BORCS5: variants seen among roughly 807,000 people sequenced by gnomAD.
The protein encoded by BORCS5 is BLOC-1 related complex subunit 5, also known as BLOC-1-related complex subunit 5.
In BORCS5, 17 loss-of-function variants were observed where a neutral mutation model predicts 22.1. The ratio of observed to expected loss-of-function variants is 0.77; its 90% CI spans 0.53 to 1.15. The LOEUF (loss-of-function observed/expected upper bound fraction) is 1.15, where lower values mean the gene tolerates loss of function less well. BORCS5 is among the 50% of genes most tolerant of loss of function. The pLI is 0.00. For missense variants in BORCS5, 247 were observed against 253.2 expected (o/e 0.98, Z 0.17); for synonymous variants, 117 against 99.8 (o/e 1.17, Z -1.03).
At position 12,402,528 on chromosome 12, in the gene BORCS5, A is replaced by C. The variant is rs73283452; in HGVS notation, c.203-33100A>C. Among the ~76,000 whole-genome samples, 555 of 152,346 alleles carry C rather than the reference A, an allele frequency of 3.6e-3. 5 individuals carry two copies. Among genetic ancestry groups the C allele is most frequent in the African/African-American group, 0.013 (531 of 41,588 alleles). On this transcript the variant is annotated intron_variant, in intron 2 of 3. Coordinates refer to ENST00000314565, the MANE Select transcript of BORCS5 (RefSeq NM_058169.6). Reference sequence around the variant, plus strand: ...TTTTATCCAATATTCTGCTTCCTGCAGAGTTCCTGAATTGAGGGTCTTTTG... The same window carrying C: ...TTTTATCCAATATTCTGCTTCCTGCCGAGTTCCTGAATTGAGGGTCTTTTG...
chr12:12,469,505 T>C lies in BORCS5; in HGVS notation c.*3729T>C, dbSNP rs1372409558. 1 of 152,234 alleles carries C rather than the reference T, an allele frequency of 6.6e-6. No individual in the cohort carries two copies. Among genetic ancestry groups the C allele is most frequent in the African/African-American group, 2.4e-5 (1 of 41,454 alleles). 9.4% of individuals were successfully genotyped at this position (152,234 alleles called of 1,614,324 possible). A position where few individuals can be genotyped will look rare whatever the true frequency, so the allele number is the denominator to read the frequency against. Reference sequence around the variant, plus strand: ...GAGGTTGGTACTGTTACCCTTACGTTATAGGTATTACAAACTCGGTTTTAC... The same window carrying C: ...GAGGTTGGTACTGTTACCCTTACGTCATAGGTATTACAAACTCGGTTTTAC... On this transcript the variant is annotated 3_prime_UTR_variant, in exon 4 of 4. Transcript: ENST00000314565.
chr12:12,387,502 C>T (rs749080430), intron 2 of BORCS5, among the ~76,000 whole-genome samples: 1 of 151,426 alleles, frequency 6.6e-6, no homozygotes, highest in Non-Finnish European at 1.5e-5. Flanking sequence ...AACACGTGCT[C>T]ATGATTTTAT....
At chr12:12,368,297 T>C (rs1209191981) in intron 2 of BORCS5, among the ~76,000 whole-genome samples, 1 of 151,558 alleles carries the variant, frequency 6.6e-6, no homozygotes, top group Non-Finnish European at 1.5e-5. Context: ...TTTTTTTTAA[T>C]CTACTGGTTA....
chr12:12,379,157 T>C (rs1863721930), intron 2 of BORCS5, among the ~76,000 whole-genome samples: 1 of 150,534 alleles, frequency 6.6e-6, no homozygotes, highest in Admixed American at 6.6e-5. Context: ...TCTTGCTTTG[T>C]TGCCCAGGCT....
chr12:12,433,296 C>G lies in BORCS5; in HGVS notation c.203-2332C>G, dbSNP rs139156984. On this transcript the variant is annotated intron_variant, in intron 2 of 3. Transcript: ENST00000314565. ...GGAGATCATTCCACTGTGCTCCAGC[C>G]TGGAAGACAGAGCGAGACTGTGTCT... 1.4e-4 allele frequency among the ~76,000 whole-genome samples: 19 copies of G among 134,068 alleles called. No individual in the cohort carries two copies. The East Asian group carries it at 1.6e-3, about 11-fold the overall frequency. 88.0% of individuals were successfully genotyped at this position (134,068 alleles called of 152,430 possible). A position where few individuals can be genotyped will look rare whatever the true frequency, so the allele number is the denominator to read the frequency against.
chr12:12,371,092 CTT>C (rs916147250), intron 2 of BORCS5, among the ~76,000 whole-genome samples: 3 of 152,046 alleles, frequency 2.0e-5, no homozygotes, highest in African/African-American at 7.2e-5. Flanking sequence ...TTGAAAATGT[CTT>C]TATTTTCTGG....
intron 2 of BORCS5, among the ~76,000 whole-genome samples, chr12:12,410,328 T>G (rs1283646323): frequency 6.6e-6 from 1 of 152,230 alleles, no homozygotes; most frequent in East Asian, 1.9e-4. Context: ...TGGTATTGCC[T>G]AGGTTTTCTT....
intron 2 of BORCS5, among the ~76,000 whole-genome samples, chr12:12,419,435 A>C (rs570553484): frequency 2.0e-5 from 3 of 152,284 alleles, no homozygotes; most frequent in African/African-American, 7.2e-5. Flanking sequence ...TTCTTAATCC[A>C]GTCTATCATT....
At chr12:12,391,075 A>G (rs1457950564) in intron 2 of BORCS5, among the ~76,000 whole-genome samples, 2 of 151,930 alleles carry the variant, frequency 1.3e-5, no homozygotes, top group Admixed American at 6.6e-5. Context: ...GTTCTCTTTT[A>G]AAGTATTGAT....
At chr12:12,419,012 A>G (rs780647600) in intron 2 of BORCS5, among the ~76,000 whole-genome samples, 2 of 151,664 alleles carry the variant, frequency 1.3e-5, no homozygotes. Flanking sequence ...TTCCTTTCTC[A>G]TTCCCTTTTG....
chr12:12,385,112 A>G (rs1034378345), intron 2 of BORCS5, among the ~76,000 whole-genome samples: 1 of 151,168 alleles, frequency 6.6e-6, no homozygotes, highest in Non-Finnish European at 1.5e-5. Context: ...TCTTTTGTTC[A>G]CTGCTGAACC....
intron 3 of BORCS5, among the ~76,000 whole-genome samples, chr12:12,439,009 AATACT>A (rs1289949444): frequency 1.3e-5 from 2 of 152,240 alleles, no homozygotes; most frequent in East Asian, 3.9e-4. Context: ...AGCTTGGTAC[AATACT>A]AGCAATTAAA....
At chr12:12,413,047 C>A (rs1941783504) in intron 2 of BORCS5, among the ~76,000 whole-genome samples, 1 of 138,920 alleles carries the variant, frequency 7.2e-6, no homozygotes, top group Non-Finnish European at 1.5e-5. Flanking sequence ...GGCAGAGGAC[C>A]CTGCGGCCTT....
intron 2 of BORCS5, among the ~76,000 whole-genome samples, chr12:12,391,861 G>A (rs1467400562): frequency 4.8e-5 from 4 of 83,306 alleles, no homozygotes; most frequent in Admixed American, 1.6e-4. Flanking sequence ...GTGAAACCCC[G>A]TCACTAAAAA....
At chr12:12,426,759 A>G (rs1468592042) in intron 2 of BORCS5, among the ~76,000 whole-genome samples, 1 of 152,242 alleles carries the variant, frequency 6.6e-6, no homozygotes. Context: ...AGGCTCAAAG[A>G]TGTAAGATAA....
At chr12:12,393,694 A>AGCG (rs1407012034) in intron 2 of BORCS5, among the ~76,000 whole-genome samples, 1 of 7,818 alleles carries the variant, frequency 1.3e-4, no homozygotes, top group Non-Finnish European at 2.7e-4. Context: ...TAAATTTTGT[A>AGCG]TTTTTAGTAG....
chr12:12,374,212 C>G (rs551600164), intron 2 of BORCS5, among the ~76,000 whole-genome samples: 11 of 151,440 alleles, frequency 7.3e-5, no homozygotes, highest in South Asian at 6.2e-4. Context: ...AGGATGGTCT[C>G]GATCTCCTGA....
intron 2 of BORCS5, among the ~76,000 whole-genome samples, chr12:12,361,643 T>C (rs1863289288): frequency 6.6e-6 from 1 of 152,254 alleles, no homozygotes; most frequent in Non-Finnish European, 1.5e-5. Flanking sequence ...TCTCTTTTGC[T>C]CACTGTTGAA....
intron 2 of BORCS5, among the ~76,000 whole-genome samples, chr12:12,397,918 A>C (rs1422037156): frequency 3.3e-5 from 5 of 152,156 alleles, no homozygotes; most frequent in Non-Finnish European, 7.3e-5. Context: ...CCTTACTATC[A>C]TATAGCTGTT....
Sources: gnomAD v4.1 joint callset for allele counts (sites outside exome capture counted in the v4.1 genomes callset) on GRCh38, gnomAD v4.1.1 for gene constraint, MANE v1.5 for transcripts, NCBI Gene and HGNC (gene_info 2026-07-23, HGNC 2026-07-21) for gene names.